Variants in PRSS37 observed in about 807,000 individuals in gnomAD.
The protein encoded by PRSS37 is probable inactive serine protease 37.
PRSS37 carries 25 observed loss-of-function variants against 28.0 expected under a neutral mutation model. That is an observed-to-expected ratio of 0.89 (90% CI 0.65 to 1.25). The LOEUF is 1.25. Ranked by LOEUF, PRSS37 falls within the 50% of genes most tolerant of loss-of-function variation. PRSS37 has a pLI of 0.00. For missense variants in PRSS37, 282 were observed against 292.2 expected (o/e 0.97, Z 0.25); for synonymous variants, 109 against 107.8 (o/e 1.01, Z -0.07).
At chr7:141,838,301 G>T in intron 2 of PRSS37, 188 bp from the exon 3 acceptor site, 1 of 1,424,772 alleles carries the variant, frequency 7.0e-7, no homozygotes, top group Non-Finnish European at 9.2e-7. Flanking sequence ...GGGGCACATA[G>T]GAGTAATTCA....
intron 2 of PRSS37, 142 bp downstream of exon 2, chr7:141,839,196 G>A: frequency 1.3e-6 from 1 of 746,092 alleles, no homozygotes; most frequent in Non-Finnish European, 2.2e-6. Context: ...GATGCCAATA[G>A]CACTGCCCCC....
rs2117274600 is a variant in PRSS37 at position 141,841,152 on chromosome 7, T to A, written c.-103A>T. Reference sequence around the variant, plus strand: ...AGGAACACCTGGTAGACTCAGTGGCTATGGTTAGATACGGAGGCACTCCAT... The same window carrying A: ...AGGAACACCTGGTAGACTCAGTGGCAATGGTTAGATACGGAGGCACTCCAT... On this transcript the variant is annotated 5_prime_UTR_variant, in exon 1 of 5. Transcript: ENST00000350549. The A allele has an allele frequency of 5.7e-6, 9 of 1,585,236 alleles. 1 individual carries two copies. In the South Asian group the frequency reaches 9.1e-5, roughly 16 times the overall value.
chr7:141,841,063 T>A lies in PRSS37; in HGVS notation c.-14A>T. ...GACATATTTCATGGTGATCCAGCTC[T>A]TCCCCCTGTGAGATGTAGAAGAAAA... is the stretch of plus-strand genomic sequence containing the variant. On this transcript the variant is annotated 5_prime_UTR_variant, in exon 1 of 5. It adds an upstream start codon to the 5' untranslated region. Coordinates refer to ENST00000350549, the MANE Select transcript of PRSS37 (RefSeq NM_001008270.3). 1 of 1,613,578 alleles carries A rather than the reference T, an allele frequency of 6.2e-7. No homozygotes were observed. Among genetic ancestry groups the A allele is most frequent in the Non-Finnish European group, 8.5e-7 (1 of 1,179,534 alleles).
chr7:141,838,289 TG>T (rs75612846), intron 2 of PRSS37, 176 bp from the exon 3 acceptor site: 244,173 of 1,430,090 alleles, frequency 0.17, 21,762 homozygotes, highest in East Asian at 0.25. Context: ...CATGAATTAA[TG>T]GGGGCACATA....
In PRSS37 at chr7:141,841,429, G is replaced by T; in HGVS notation, c.-380C>A. The T allele has an allele frequency of 4.1e-6, 1 of 245,640 alleles. No homozygotes were observed. Among genetic ancestry groups the T allele is most frequent in the South Asian group, 5.4e-5 (1 of 18,542 alleles). The allele number at this position is 245,640 out of a possible 1,614,324, so 15.2% of individuals were successfully genotyped here. Reference sequence around the variant, plus strand: ...CTTCCCCACAGAGTTTCTGAGACCAGGGCTATGAGGGACAATATTCTTTAC... The same window carrying T: ...CTTCCCCACAGAGTTTCTGAGACCATGGCTATGAGGGACAATATTCTTTAC... On this transcript the variant is annotated 5_prime_UTR_variant, in exon 1 of 5. The change creates a new upstream start codon in the 5' untranslated region. Coordinates refer to ENST00000350549, the MANE Select transcript of PRSS37 (RefSeq NM_001008270.3).
chr7:141,838,221 T>C, intron 2 of PRSS37, 108 bp from the exon 3 acceptor site: 2 of 1,539,736 alleles, frequency 1.3e-6, no homozygotes, highest in Non-Finnish European at 1.8e-6. Flanking sequence ...TTCTGGATTA[T>C]GTCATTTAAC....
chr7:141,839,066 C>A, intron 2 of PRSS37: 1 of 602,786 alleles, frequency 1.7e-6, no homozygotes, highest in Non-Finnish European at 3.1e-6. Flanking sequence ...TAACATGTAA[C>A]ACAGGGTTCC....
Position 141,837,879 on chromosome 7 carries a change from G to A in PRSS37, c.411C>T (p.Asp137=). ...PGTVCLLSGL[D]WSQENSGRHP... ...ACTTACCACTGTTTTCTTGGCTCCA[G>A]TCCAAACCTGAGAGTAGACAGACAG... The change falls in exon 3 of 5, where the codon GAC becomes GAT. Residue 137 remains aspartate, a synonymous_variant. Coordinates refer to ENST00000350549, the MANE Select transcript of PRSS37 (RefSeq NM_001008270.3). The A allele has an allele frequency of 6.2e-7, 1 of 1,612,710 alleles. No individual in the cohort carries two copies. The highest frequency in any genetic ancestry group is 8.5e-7 in the Non-Finnish European group (1 of 1,178,934).
In PRSS37 at chr7:141,839,478, C is replaced by A; in HGVS notation, c.36G>T (p.Gly12=). The A allele has an allele frequency of 1.2e-6, 2 of 1,609,714 alleles. No individual in the cohort carries two copies. The highest frequency in any genetic ancestry group is 1.7e-6 in the Non-Finnish European group (2 of 1,176,936). Residue 12 remains glycine (G), a splice_region_variant and synonymous_variant, in exon 2 of 5, where the codon GGG becomes GGT. Transcript: ENST00000350549. Reference sequence around the variant, plus strand: ...CAGATGAGTCAGCAAAGAAAAATGTCCCTGAGAAAATAATGAACATTCTTA... The same window carrying A: ...CAGATGAGTCAGCAAAGAAAAATGTACCTGAGAAAATAATGAACATTCTTA... ...KYVFYLGVLA[G]TFFFADSSVQ... is the part of the protein sequence containing the mutation.
rs1563052063 is a variant in PRSS37 at position 141,838,047 on chromosome 7, G to A, written c.243C>T (p.Asn81=). The change falls in exon 3 of 5, where the codon AAC becomes AAT. Residue 81 remains asparagine, a synonymous_variant. Coordinates refer to ENST00000350549, the MANE Select transcript of PRSS37 (RefSeq NM_001008270.3). Reference sequence around the variant, plus strand: ...TCCAGTAGCGGACGATCTGAATGGGGTTAATTGTCTGTTCAGTACCGTCTC... The same window carrying A: ...TCCAGTAGCGGACGATCTGAATGGGATTAATTGTCTGTTCAGTACCGTCTC... ...RVRDGTEQTI[N]PIQIVRYWNY... is the part of the protein sequence containing the mutation. The A allele has an allele frequency of 1.2e-6, 2 of 1,614,160 alleles. No individual in the cohort carries two copies. Among genetic ancestry groups the A allele is most frequent in the South Asian group, 1.1e-5 (1 of 91,078 alleles).
At chr7:141,838,268 C>A in intron 2 of PRSS37, 155 bp from the exon 3 acceptor site, 2 of 1,455,130 alleles carry the variant, frequency 1.4e-6, no homozygotes, top group Admixed American at 2.4e-5. Context: ...CATTTTTATC[C>A]CCATTTAGCA....
Position 141,836,504 on chromosome 7 carries a change from T to C in PRSS37, c.599A>G (p.Asp200Gly). ...EVAVATVICK[D>G]KLQGIEVGHF... ...CCCCACCTCGATTCCCTGGAGCTTG[T>C]CTTTGCAGATGACAGTAGCAACGGC... is the stretch of plus-strand genomic sequence containing the variant. Residue 200 changes from aspartate to glycine, a missense_variant, in exon 5 of 5, where the codon GAC (aspartate) becomes GGC (glycine). Coordinates refer to ENST00000350549, the MANE Select transcript of PRSS37 (RefSeq NM_001008270.3). 6.2e-7 allele frequency: 1 copy of C among 1,614,082 alleles called. No homozygotes were observed.
chr7:141,839,463 A>G lies in PRSS37; in HGVS notation c.51T>C (p.Ala17=). 6.2e-7 allele frequency: 1 copy of G among 1,612,786 alleles called. No individual in the cohort carries two copies. The highest frequency in any genetic ancestry group is 2.2e-5 in the East Asian group (1 of 44,876). The part of the protein sequence containing the change: ...LGVLAGTFFF[A]DSSVQKEDPA... Reference sequence around the variant, plus strand: ...GGTCTTCTTTCTGAACAGATGAGTCAGCAAAGAAAAATGTCCCTGAGAAAA... The same window carrying G: ...GGTCTTCTTTCTGAACAGATGAGTCGGCAAAGAAAAATGTCCCTGAGAAAA... Residue 17 remains alanine (A), a synonymous_variant, in exon 2 of 5, where the codon GCT becomes GCC. Coordinates refer to ENST00000350549, the MANE Select transcript of PRSS37 (RefSeq NM_001008270.3).
intron 2 of PRSS37, 144 bp downstream of exon 2, chr7:141,839,194 T>C (rs1801077647): frequency 4.1e-6 from 3 of 736,546 alleles, no homozygotes; most frequent in East Asian, 2.7e-5. Flanking sequence ...TAGATGCCAA[T>C]AGCACTGCCC....
At chr7:141,838,165 A>G (rs752929634) in intron 2 of PRSS37, 52 bp from the exon 3 acceptor site, 3 of 1,608,538 alleles carry the variant, frequency 1.9e-6, no homozygotes, top group Non-Finnish European at 8.5e-7. Context: ...CATCATTGCT[A>G]AGATACTGAA....
intron 1 of PRSS37, 63 bp from the exon 2 acceptor site, chr7:141,839,542 C>T (rs1230529235): frequency 3.0e-6 from 4 of 1,314,058 alleles, no homozygotes; most frequent in Non-Finnish European, 4.2e-6. Context: ...CAGTCTCTTA[C>T]TTGAAAAGGA....
In PRSS37 at chr7:141,841,351, T is replaced by C. The variant is rs111466765; in HGVS notation, c.-302A>G. Reference sequence around the variant, plus strand: ...CTGCTGCCCCTAAAAACACATCTGTTTGAAGGTAGTTCAGTTGTCTGTGGA... The same window carrying C: ...CTGCTGCCCCTAAAAACACATCTGTCTGAAGGTAGTTCAGTTGTCTGTGGA... On this transcript the variant is annotated 5_prime_UTR_variant, in exon 1 of 5. Coordinates refer to ENST00000350549, the MANE Select transcript of PRSS37 (RefSeq NM_001008270.3). 2,005 of 379,078 alleles carry C rather than the reference T, an allele frequency of 5.3e-3. 10 individuals carry two copies. The highest frequency in any genetic ancestry group is 8.0e-3 in the Non-Finnish European group (1,625 of 203,042). The allele number at this position is 379,078 out of a possible 1,614,324, so 23.5% of individuals were successfully genotyped here. A position where few individuals can be genotyped will look rare whatever the true frequency, so the allele number is the denominator to read the frequency against.
At position 141,841,365 on chromosome 7, in the gene PRSS37, G is replaced by T. The variant is rs1801144404; in HGVS notation, c.-316C>A. ...AACACATCTGTTTGAAGGTAGTTCAGTTGTCTGTGGAAATGGCAGCTCTAG... is the reference window on the plus strand; with the variant it reads ...AACACATCTGTTTGAAGGTAGTTCATTTGTCTGTGGAAATGGCAGCTCTAG... On this transcript the variant is annotated 5_prime_UTR_variant, in exon 1 of 5. In the 5' UTR this introduces an upstream ATG that the reference lacks. Transcript: ENST00000350549. The T allele has an allele frequency of 2.9e-6, 1 of 344,558 alleles. No individual in the cohort carries two copies. Among genetic ancestry groups the T allele is most frequent in the East Asian group, 7.3e-5 (1 of 13,766 alleles). The allele number at this position is 344,558 out of a possible 1,614,324, so 21.3% of individuals were successfully genotyped here. A position where few individuals can be genotyped will look rare whatever the true frequency, so the allele number is the denominator to read the frequency against.
In PRSS37 at chr7:141,841,133, A is replaced by G. The variant is rs1801138102; in HGVS notation, c.-84T>C. 2 of 1,603,090 alleles carry G rather than the reference A, an allele frequency of 1.2e-6. No homozygotes were observed. Among genetic ancestry groups the G allele is most frequent in the Middle Eastern group, 1.7e-4 (1 of 5,984 alleles). ...TTGGCTTAGTTGTCTTCTCAGGAAC[A>G]CCTGGTAGACTCAGTGGCTATGGTT... On this transcript the variant is annotated 5_prime_UTR_variant, in exon 1 of 5. Transcript: ENST00000350549.
Sources: gnomAD v4.1 joint callset for allele counts on GRCh38, gnomAD v4.1.1 for gene constraint, MANE v1.5 for transcripts, NCBI Gene and HGNC (gene_info 2026-07-23, HGNC 2026-07-21) for gene names.